The following GSKIP variants were observed in gnomAD, a reference collection of about 807,000 sequenced individuals.
The protein encoded by GSKIP is GSK3B-interacting protein.
A neutral mutation model predicts 11.9 loss-of-function variants in GSKIP; 5 were observed. The ratio of observed to expected loss-of-function variants is 0.42; its 90% CI spans 0.22 to 0.89. The LOEUF is 0.89. Ranked by LOEUF, GSKIP falls within the 40% of genes least tolerant of loss-of-function variation. GSKIP has a pLI of 0.29. For missense variants in GSKIP, 150 were observed against 166.6 expected (o/e 0.90, Z 0.55); for synonymous variants, 70 against 62.9 (o/e 1.11, Z -0.54).
intron 1 of GSKIP, among the ~76,000 whole-genome samples, chr14:96,371,239 GT>G (rs1333765738): frequency 1.3e-5 from 2 of 152,094 alleles, no homozygotes; most frequent in Non-Finnish European, 1.5e-5. Flanking sequence ...CAGAACTCTT[GT>G]TTTATTTGTA....
At chr14:96,365,650 G>A (rs1189437615) in intron 1 of GSKIP, among the ~76,000 whole-genome samples, 3 of 151,890 alleles carry the variant, frequency 2.0e-5, no homozygotes, top group African/African-American at 7.3e-5. Flanking sequence ...GGCCAACATG[G>A]TGAAACCCTG....
chr14:96,382,811 C>T (rs1023091879), intron 3 of GSKIP, among the ~76,000 whole-genome samples: 7 of 152,158 alleles, frequency 4.6e-5, no homozygotes, highest in African/African-American at 1.7e-4. Flanking sequence ...ATTATACATA[C>T]ATTCTTTGCA....
chr14:96,384,108 A>G (rs1889423142), intron 3 of GSKIP, among the ~76,000 whole-genome samples: 1 of 152,230 alleles, frequency 6.6e-6, no homozygotes, highest in Admixed American at 6.5e-5. Flanking sequence ...TGATACAGAA[A>G]GATCTGAACC....
chr14:96,377,044 T>C (rs1889221992), intron 1 of GSKIP, among the ~76,000 whole-genome samples: 1 of 152,234 alleles, frequency 6.6e-6, no homozygotes, highest in Non-Finnish European at 1.5e-5. Context: ...CTGAGATTTT[T>C]CAACCTTAGT....
At chr14:96,381,005 A>G (rs1889331039) in intron 2 of GSKIP, among the ~76,000 whole-genome samples, 2 of 152,356 alleles carry the variant, frequency 1.3e-5, no homozygotes, top group Non-Finnish European at 1.5e-5. Flanking sequence ...GTGAAGAGTT[A>G]TGCTTCATTC....
At chr14:96,371,753 A>G (rs905861203) in intron 1 of GSKIP, among the ~76,000 whole-genome samples, 3 of 152,070 alleles carry the variant, frequency 2.0e-5, no homozygotes, top group Non-Finnish European at 2.9e-5. Flanking sequence ...AGCCAAAACT[A>G]TCAACAATTA....
In GSKIP at chr14:96,369,442, G is replaced by A. The variant is rs560195638; in HGVS notation, c.-103+5874G>A. 2.0e-5 allele frequency among the ~76,000 whole-genome samples: 3 copies of A among 152,258 alleles called. No homozygotes were observed. In the South Asian group the frequency reaches 6.2e-4, roughly 32 times the overall value. Reference sequence around the variant, plus strand: ...AAGACAATGGGGAAAAGGCCCTCAAGGTATTTCAGAAATCTCCTAGGCTGT... The same window carrying A: ...AAGACAATGGGGAAAAGGCCCTCAAAGTATTTCAGAAATCTCCTAGGCTGT... On this transcript the variant is annotated intron_variant, in intron 1 of 3. Transcript: ENST00000555181.
At position 96,375,536 on chromosome 14, in the gene GSKIP, C is replaced by T. The variant is rs1263530946; in HGVS notation, c.-102-4152C>T. Among the ~76,000 whole-genome samples the T allele has an allele frequency of 1.1e-3, 169 of 151,596 alleles. 2 individuals carry two copies. The highest frequency in any genetic ancestry group is 3.4e-4 in the Non-Finnish European group (23 of 67,912). On this transcript the variant is annotated intron_variant, in intron 1 of 3. Coordinates refer to ENST00000555181, the MANE Select transcript of GSKIP (RefSeq NM_016472.5). ...GCAACCTCCGCCTCCCAGGTTCAAG[C>T]GATTCTCCTGCCTCAGCCTCCCGAG...
chr14:96,382,554 C>G (rs1329819462), intron 3 of GSKIP, 49 bp downstream of exon 3: 1 of 1,445,448 alleles, frequency 6.9e-7, no homozygotes, highest in African/African-American at 1.4e-5. Context: ...GTCTTTACCA[C>G]TTTATCAAAA....
chr14:96,371,795 G>A (rs1014118135), intron 1 of GSKIP, among the ~76,000 whole-genome samples: 13 of 152,138 alleles, frequency 8.5e-5, no homozygotes, highest in African/African-American at 2.9e-4. Flanking sequence ...CATAACTGAA[G>A]TGGAAAGAGT....
chr14:96,376,116 A>G (rs1381546763), intron 1 of GSKIP, among the ~76,000 whole-genome samples: 1 of 152,226 alleles, frequency 6.6e-6, no homozygotes, highest in Non-Finnish European at 1.5e-5. Context: ...AGGTTGCCAG[A>G]TGGATGAAAA....
intron 1 of GSKIP, among the ~76,000 whole-genome samples, chr14:96,369,574 C>G (rs1888988591): frequency 1.3e-5 from 2 of 152,154 alleles, no homozygotes; most frequent in Non-Finnish European, 2.9e-5. Context: ...CCTGGTTGCT[C>G]CAGCTCCAGT....
At chr14:96,374,945 C>A (rs186055294) in intron 1 of GSKIP, among the ~76,000 whole-genome samples, 7 of 151,982 alleles carry the variant, frequency 4.6e-5, no homozygotes, top group African/African-American at 1.2e-4. Flanking sequence ...CTTATCTAAT[C>A]TCTCTGAAAA....
At chr14:96,372,836 G>A (rs1363801710) in intron 1 of GSKIP, among the ~76,000 whole-genome samples, 1 of 152,188 alleles carries the variant, frequency 6.6e-6, no homozygotes, top group Non-Finnish European at 1.5e-5. Context: ...TTCACAGAAA[G>A]CAAGGACTGT....
At chr14:96,368,959 ATGTT>A (rs1315142350) in intron 1 of GSKIP, among the ~76,000 whole-genome samples, 3 of 152,238 alleles carry the variant, frequency 2.0e-5, no homozygotes, top group African/African-American at 7.2e-5. Context: ...AGATGAAAGA[ATGTT>A]TGGAACTTCT....
At chr14:96,367,641 C>T (rs73365110) in intron 1 of GSKIP, among the ~76,000 whole-genome samples, 4,217 of 152,098 alleles carry the variant, frequency 0.028, 210 homozygotes, top group African/African-American at 0.096. Context: ...CGTAATGAAA[C>T]AAAATAGTCT....
chr14:96,373,162 C>T (rs1041471598), intron 1 of GSKIP, among the ~76,000 whole-genome samples: 1 of 149,268 alleles, frequency 6.7e-6, no homozygotes, highest in Non-Finnish European at 1.5e-5. Context: ...CCCAGAAGGC[C>T]CGGATTGCAG....
intron 1 of GSKIP, among the ~76,000 whole-genome samples, chr14:96,367,368 C>T (rs1373650459): frequency 6.6e-6 from 1 of 152,166 alleles, no homozygotes; most frequent in African/African-American, 2.4e-5. Context: ...ATCACATCTT[C>T]CTGGCCCCTT....
chr14:96,382,798 A>G (rs1889384811), intron 3 of GSKIP, among the ~76,000 whole-genome samples: 1 of 152,230 alleles, frequency 6.6e-6, no homozygotes, highest in Admixed American at 6.5e-5. Context: ...TGTGTTCACC[A>G]GAATTATACA....
Sources: gnomAD v4.1 joint callset for allele counts (sites outside exome capture counted in the v4.1 genomes callset) on GRCh38, gnomAD v4.1.1 for gene constraint, MANE v1.5 for transcripts, NCBI Gene and HGNC (gene_info 2026-07-23, HGNC 2026-07-21) for gene names.